The following PSMG2 variants were observed in gnomAD, a reference collection of about 807,000 sequenced individuals.
PSMG2 encodes the protein CD40 ligand-activated specific transcript 3.
Under a neutral mutation model 31.5 loss-of-function variants are expected in PSMG2, and 21 were observed. The observed-to-expected ratio is 0.67, with a 90% CI of 0.47 to 0.96. PSMG2 has a LOEUF of 0.96. Ranked by LOEUF, PSMG2 falls within the 40% of genes least tolerant of loss-of-function variation. PSMG2 has a pLI of 0.00. For synonymous variants in PSMG2, 120 were observed against 110.4 expected, an observed-to-expected ratio of 1.09 and a Z score of -0.54; for missense variants, 318 against 321.2, an observed-to-expected ratio of 0.99 and a Z score of 0.08.
chr18:12,700,121 T>G, upstream of PSMG2: 1 of 351,882 alleles, frequency 2.8e-6, no homozygotes, highest in East Asian at 4.5e-5. Flanking sequence ...TGCTAAGGAA[T>G]TAAACTGTCT....
chr18:12,683,807 T>C (rs1424200946), intron 1 of PSMG2, among the ~76,000 whole-genome samples: 1 of 151,790 alleles, frequency 6.6e-6, no homozygotes, highest in African/African-American at 2.4e-5. Flanking sequence ...AAAATGTTCA[T>C]AGCATAATGC....
intron 1 of PSMG2, chr18:12,686,305 T>C (rs762367925): frequency 6.2e-7 from 1 of 1,614,144 alleles, no homozygotes; most frequent in Non-Finnish European, 8.5e-7. Flanking sequence ...CCACTGCTCC[T>C]GTTTACCTCC....
chr18:12,706,922 C>T (rs1223391111), intron 2 of PSMG2, among the ~76,000 whole-genome samples: 1 of 151,848 alleles, frequency 6.6e-6, no homozygotes, highest in Non-Finnish European at 1.5e-5. Context: ...GCAAGTCTTA[C>T]GAAGGTTGAG....
chr18:12,661,450 G>A (rs982192331), intron 1 of PSMG2: 5 of 595,292 alleles, frequency 8.4e-6, no homozygotes, highest in African/African-American at 8.1e-5. Context: ...TAACAGCACT[G>A]TCCCATTTTC....
chr18:12,724,205 G>C (rs928500863), intron 5 of PSMG2: 1 of 274,558 alleles, frequency 3.6e-6, no homozygotes, highest in Non-Finnish European at 6.7e-6. Flanking sequence ...AGTAGGTTTG[G>C]GGAGTAGGTC....
At chr18:12,689,163 G>GA (rs1461498951) in intron 1 of PSMG2, among the ~76,000 whole-genome samples, 2 of 152,104 alleles carry the variant, frequency 1.3e-5, no homozygotes, top group Non-Finnish European at 1.5e-5. Flanking sequence ...GGATACATTA[G>GA]AAATTTTTTT....
At chr18:12,679,951 G>C (rs1322332426) in intron 1 of PSMG2, among the ~76,000 whole-genome samples, 1 of 151,724 alleles carries the variant, frequency 6.6e-6, no homozygotes. Context: ...AGCTACGCAA[G>C]AGGCTGAGGT....
chr18:12,691,565 C>T (rs1598649050), intron 1 of PSMG2: 2 of 1,056,086 alleles, frequency 1.9e-6, no homozygotes, highest in East Asian at 2.6e-5. Flanking sequence ...AATTTATCTA[C>T]TTCTCTACAT....
chr18:12,678,937 C>T (rs1260548596), intron 1 of PSMG2: 1 of 151,598 alleles, frequency 6.6e-6, no homozygotes, highest in Non-Finnish European at 1.5e-5. Context: ...GAAACTCCAT[C>T]TCCAAGAAAA....
chr18:12,720,968 C>G lies in PSMG2; in HGVS notation c.581+285C>G, dbSNP rs955624624. Among the ~76,000 whole-genome samples, 4 of 152,004 alleles carry G rather than the reference C, an allele frequency of 2.6e-5. No homozygotes were observed. In the South Asian group the frequency reaches 8.3e-4, roughly 31 times the overall value. ...ATCACGAGGTCAGATCAATCAAGAC[C>G]AGGAGATCGAGACCATCCTGGCTAA... On this transcript the variant is annotated intron_variant, in intron 5 of 6. Transcript: ENST00000317615.
Position 12,712,749 on chromosome 18 carries a change from A to C in PSMG2, c.277A>C (p.Ile93Leu). 1 of 1,605,234 alleles carries C rather than the reference A, an allele frequency of 6.2e-7. No homozygotes were observed. The highest frequency in any genetic ancestry group is 8.5e-7 in the Non-Finnish European group (1 of 1,173,620). Reference protein sequence around the residue: ...RKLVALQLRSIFIKYKSKPFC... With the variant: ...RKLVALQLRSLFIKYKSKPFC... The stretch of plus-strand genomic sequence containing the variant: ...GCTGGTGGCTCTACAGTTAAGATCC[A>C]TTTTTATTAAGGTTAGTATGTTGTA... The change falls in exon 3 of 7, where the codon ATT (isoleucine) becomes CTT (leucine). Residue 93 changes from isoleucine to leucine, a missense_variant. Physicochemically the swap from Ile to Leu is conservative, Grantham distance 5. Transcript: ENST00000317615.
chr18:12,682,389 A>C (rs1463331698), intron 1 of PSMG2, among the ~76,000 whole-genome samples: 1 of 152,056 alleles, frequency 6.6e-6, no homozygotes, highest in Non-Finnish European at 1.5e-5. Context: ...AGGTTTCACC[A>C]AGTTGCCCTG....
chr18:12,702,186 C>CG (rs564516921), upstream of PSMG2, among the ~76,000 whole-genome samples: 86 of 152,340 alleles, frequency 5.6e-4, 1 homozygote, highest in East Asian at 0.015. Context: ...AACTTACACT[C>CG]GATCCGACTT....
Position 12,720,679 on chromosome 18 carries a change from G to C in PSMG2, c.577G>C (p.Glu193Gln), listed in dbSNP as rs142058774. Residue 193 changes from glutamate to glutamine, a missense_variant, in exon 5 of 7, where the codon GAA (glutamate) becomes CAA (glutamine). Physicochemically the swap from Glu to Gln is conservative, Grantham distance 29 (BLOSUM62 2). Coordinates refer to ENST00000317615, the MANE Select transcript of PSMG2 (RefSeq NM_020232.5). ...GGGITKTLYD[E>Q]SCSKEIQMAV... Reference sequence around the variant, plus strand: ...AGGTATCACAAAAACACTCTATGATGAAAGGTGAGTTTGTTTGCCTGTTCA... The same window carrying C: ...AGGTATCACAAAAACACTCTATGATCAAAGGTGAGTTTGTTTGCCTGTTCA... 3 of 1,605,970 alleles carry C rather than the reference G, an allele frequency of 1.9e-6. No individual in the cohort carries two copies. Among genetic ancestry groups the C allele is most frequent in the Non-Finnish European group, 2.5e-6 (3 of 1,177,554 alleles).
In PSMG2 at chr18:12,720,816, C is replaced by CA. The variant is rs202033257; in HGVS notation, c.581+141dup. The CA allele has an allele frequency of 9.4e-4, 801 of 854,014 alleles. 2 individuals carry two copies. Among genetic ancestry groups the CA allele is most frequent in the East Asian group, 6.5e-3 (229 of 35,474 alleles). 52.9% of individuals were successfully genotyped at this position (854,014 alleles called of 1,614,324 possible). A position where few individuals can be genotyped will look rare whatever the true frequency, so the allele number is the denominator to read the frequency against. ...CTCTGTCTCAAACAAAAAACAACAA[C>CA]AAAAAAAACAAAATTAAGTCAGAGA... is the stretch of plus-strand genomic sequence containing the variant. On this transcript the variant is annotated intron_variant, in intron 5 of 6. Transcript: ENST00000317615.
chr18:12,712,092 G>T (rs1263260136), intron 2 of PSMG2, among the ~76,000 whole-genome samples: 2 of 152,144 alleles, frequency 1.3e-5, no homozygotes, highest in African/African-American at 4.8e-5. Flanking sequence ...GGGCAGGGAA[G>T]CCTTAAGCAT....
intron 2 of PSMG2, among the ~76,000 whole-genome samples, chr18:12,707,399 C>T (rs952342788): frequency 6.6e-6 from 1 of 152,070 alleles, no homozygotes; most frequent in South Asian, 2.1e-4. Context: ...AAGTAGATTG[C>T]GCTGGACTCA....
chr18:12,694,872 G>A (rs913209709), intron 1 of PSMG2, among the ~76,000 whole-genome samples: 2 of 151,568 alleles, frequency 1.3e-5, no homozygotes, highest in African/African-American at 2.4e-5. Flanking sequence ...CACCACGCCC[G>A]GCTATTTTTT....
At chr18:12,706,457 A>G in intron 1 of PSMG2, 93 bp from the exon 2 acceptor site, 1 of 1,370,494 alleles carries the variant, frequency 7.3e-7, no homozygotes, top group East Asian at 2.3e-5. Context: ...ACTGTACTCC[A>G]GCCTGGGAGA....
Sources: allele counts gnomAD v4.1 joint callset (sites outside exome capture counted in the v4.1 genomes callset), GRCh38; gene constraint gnomAD v4.1.1; transcripts MANE v1.5; gene names NCBI Gene and HGNC (gene_info 2026-07-23, HGNC 2026-07-21).